The following QTGAL variants were observed in gnomAD, a reference collection of about 807,000 sequenced individuals.
QTGAL encodes the protein BGnT-like protein 1.
the QTGAL span, among the ~76,000 whole-genome samples, chr17:83,026,999 C>T: frequency 6.7e-6 from 1 of 149,218 alleles, no homozygotes; most frequent in Non-Finnish European, 1.5e-5. Flanking sequence ...CCTCGACAGA[C>T]ACACAGAGCG....
At chr17:82,952,977 G>A in the QTGAL span, among the ~76,000 whole-genome samples, 6 of 152,160 alleles carry the variant, frequency 3.9e-5, no homozygotes, top group Non-Finnish European at 5.9e-5. Context: ...CAGAAATAAC[G>A]AAGTTCTTTG....
the QTGAL span, among the ~76,000 whole-genome samples, chr17:82,964,038 G>T: frequency 6.6e-6 from 1 of 150,980 alleles, no homozygotes; most frequent in Non-Finnish European, 1.5e-5. Context: ...CGGGGGGGTG[G>T]ATTGCTTGAG....
At chr17:82,948,144 T>G in the QTGAL span, 1 of 152,134 alleles carries the variant, frequency 6.6e-6, no homozygotes, top group Non-Finnish European at 1.5e-5. Context: ...GGAACCCTGA[T>G]GAGAAACACC....
At chr17:82,998,130 C>T in the QTGAL span, among the ~76,000 whole-genome samples, 1 of 151,774 alleles carries the variant, frequency 6.6e-6, no homozygotes, top group Non-Finnish European at 1.5e-5. Context: ...TTGTTTGTAA[C>T]ACAAAGGATA....
chr17:82,996,313 G>GGA, the QTGAL span, among the ~76,000 whole-genome samples: 1 of 152,246 alleles, frequency 6.6e-6, no homozygotes, highest in African/African-American at 2.4e-5. Context: ...CATGAGGTCA[G>GGA]GAGTTTGAGA....
chr17:82,988,639 A>C, the QTGAL span, among the ~76,000 whole-genome samples: 3 of 152,346 alleles, frequency 2.0e-5, no homozygotes, highest in African/African-American at 7.2e-5. Flanking sequence ...TGGAATCTAC[A>C]AGGAACTTAA....
At chr17:82,951,686 T>C in the QTGAL span, among the ~76,000 whole-genome samples, 1 of 152,032 alleles carries the variant, frequency 6.6e-6, no homozygotes, top group African/African-American at 2.4e-5. Context: ...GCTTTTGATT[T>C]AAAGCGAGAG....
the QTGAL span, among the ~76,000 whole-genome samples, chr17:82,988,680 A>G: frequency 6.6e-6 from 1 of 152,246 alleles, no homozygotes; most frequent in Non-Finnish European, 1.5e-5. Context: ...AACCCATCAA[A>G]AAGTGGGCAA....
chr17:82,987,576 G>A, the QTGAL span, among the ~76,000 whole-genome samples: 1 of 152,200 alleles, frequency 6.6e-6, no homozygotes, highest in Non-Finnish European at 1.5e-5. Flanking sequence ...AACCATGATG[G>A]TTGTATATGT....
chr17:83,015,442 G>A, the QTGAL span, among the ~76,000 whole-genome samples: 6 of 152,250 alleles, frequency 3.9e-5, no homozygotes, highest in Non-Finnish European at 7.3e-5. This position sits in a 1 kb window ranked among gnomAD's most constrained non-coding sequence, Gnocchi z 4.4. Flanking sequence ...AATTGTGCAT[G>A]TTATTTTCAA....
the QTGAL span, among the ~76,000 whole-genome samples, chr17:82,997,173 A>T: frequency 6.6e-6 from 1 of 152,048 alleles, no homozygotes; most frequent in Non-Finnish European, 1.5e-5. Flanking sequence ...TAACCAGAAC[A>T]TATACAGAGC....
the QTGAL span, chr17:82,947,305 C>A: frequency 2.9e-6 from 1 of 343,874 alleles, no homozygotes; most frequent in Admixed American, 4.5e-5. Flanking sequence ...TGCTGTTTGA[C>A]CAGGGCAGAC....
chr17:82,966,829 G>A, the QTGAL span, among the ~76,000 whole-genome samples: 1 of 152,200 alleles, frequency 6.6e-6, no homozygotes, highest in Admixed American at 6.5e-5. Flanking sequence ...TAAACCAGAT[G>A]CCACCAAAGT....
chr17:83,040,534 C>T, the QTGAL span, among the ~76,000 whole-genome samples: 1 of 152,048 alleles, frequency 6.6e-6, no homozygotes, highest in East Asian at 1.9e-4. Context: ...TTTCAAAATT[C>T]AAAAGTACAA....
the QTGAL span, among the ~76,000 whole-genome samples, chr17:83,000,008 G>A: frequency 6.6e-6 from 1 of 152,150 alleles, no homozygotes; most frequent in Non-Finnish European, 1.5e-5. Context: ...TGTCGCCCAG[G>A]CTAGAGTGCA....
At chr17:82,957,182 TGA>T in the QTGAL span, 3 of 1,614,172 alleles carry the variant, frequency 1.9e-6, no homozygotes, top group South Asian at 2.2e-5. Flanking sequence ...CCTGCACACC[TGA>T]GAGTCCTCGT....
At chr17:82,956,972 G>A in the QTGAL span, among the ~76,000 whole-genome samples, 1 of 152,238 alleles carries the variant, frequency 6.6e-6, no homozygotes, top group African/African-American at 2.4e-5. The surrounding 1 kb of genome is among the most constrained non-coding windows in gnomAD (Gnocchi z 5.7). Context: ...CCCGACTGCA[G>A]AACTGACCAG....
At chr17:82,960,960 C>T in the QTGAL span, 2 of 1,459,362 alleles carry the variant, frequency 1.4e-6, no homozygotes, top group East Asian at 2.5e-5. Context: ...CTGACCACAG[C>T]CTCTGGGGTC....
chr17:83,006,323 C>G, the QTGAL span: 1 of 985,482 alleles, frequency 1.0e-6, no homozygotes. The surrounding 1 kb of genome is among the most constrained non-coding windows in gnomAD (Gnocchi z 5.8). Flanking sequence ...TCTACCAATG[C>G]AGTTAATGAC....
Sources: allele counts gnomAD v4.1 joint callset (sites outside exome capture counted in the v4.1 genomes callset), GRCh38; gene constraint gnomAD v4.1.1; non-coding constraint Gnocchi (gnomAD v3.1); transcripts MANE v1.5; gene names NCBI Gene and HGNC (gene_info 2026-07-23, HGNC 2026-07-21).